MACROD2: variants seen among roughly 807,000 people sequenced by gnomAD.
MACROD2 encodes the protein ADP-ribose glycohydrolase MACROD2.
In MACROD2, 36 loss-of-function variants were observed where a neutral mutation model predicts 70.4. The ratio of observed to expected loss-of-function variants is 0.51; its 90% CI spans 0.39 to 0.68. The LOEUF is 0.68. Among genes scored for constraint, MACROD2 ranks in the 30% least tolerant of loss-of-function variants. The probability of loss-of-function intolerance (pLI) is 0.00; values close to 1 mark genes in which losing one functional copy is unlikely to be tolerated. For synonymous variants in MACROD2, 172 were observed against 178.8 expected, an observed-to-expected ratio of 0.96 and a Z score of 0.30; for missense variants, 496 against 538.4, an observed-to-expected ratio of 0.92 and a Z score of 0.78.
intron 9 of MACROD2, among the ~76,000 whole-genome samples, chr20:15,872,621 C>T (rs1465506604): frequency 2.0e-5 from 3 of 152,060 alleles, no homozygotes; most frequent in African/African-American, 7.2e-5. Flanking sequence ...GATATGTACA[C>T]CAAGCATCAT....
intron 15 of MACROD2, among the ~76,000 whole-genome samples, chr20:16,020,817 G>A (rs1180884921): frequency 6.6e-6 from 1 of 151,942 alleles, no homozygotes; most frequent in African/African-American, 2.4e-5. Context: ...TCAAAGCCTC[G>A]CTCGGCTCTG....
intron 9 of MACROD2, among the ~76,000 whole-genome samples, chr20:15,871,522 A>G (rs758616127): frequency 1.3e-5 from 2 of 152,222 alleles, no homozygotes; most frequent in Non-Finnish European, 2.9e-5. Context: ...GGCACATATC[A>G]TATAAAACAG....
intron 13 of MACROD2, among the ~76,000 whole-genome samples, chr20:15,977,134 C>T (rs752368924): frequency 6.6e-6 from 1 of 152,146 alleles, no homozygotes; most frequent in South Asian, 2.1e-4. Flanking sequence ...ATGATATAGA[C>T]GAAGCCAGAT....
Position 14,338,501 on chromosome 20 carries a change from G to C in MACROD2, c.272-154978G>C, listed in dbSNP as rs1228964873. 3.9e-5 allele frequency among the ~76,000 whole-genome samples: 6 copies of C among 152,104 alleles called. No homozygotes were observed. In the East Asian group the frequency reaches 1.2e-3, roughly 29 times the overall value. Reference sequence around the variant, plus strand: ...AGGCGAAGAAGTTACTGTTCTCTATGTTTTAGAAAATGAAAGTATGTTTTA... The same window carrying C: ...AGGCGAAGAAGTTACTGTTCTCTATCTTTTAGAAAATGAAAGTATGTTTTA... On this transcript the variant is annotated intron_variant, in intron 3 of 17. Transcript: ENST00000684519.
At chr20:14,593,221 T>A (rs1252089491) in intron 4 of MACROD2, among the ~76,000 whole-genome samples, 1 of 152,246 alleles carries the variant, frequency 6.6e-6, no homozygotes, top group East Asian at 1.9e-4. Flanking sequence ...AATAGTTTTC[T>A]TATTCGATTA....
intron 15 of MACROD2, among the ~76,000 whole-genome samples, chr20:15,994,432 GTTTTCATA>G (rs780291885): frequency 3.3e-5 from 5 of 152,184 alleles, no homozygotes; most frequent in Middle Eastern, 3.4e-3. Context: ...GATGTAGAAC[GTTTTCATA>G]TATCACTCTT....
rs539227932 is a variant in MACROD2, at chr20:14,849,638, G to A, written c.418+164679G>A. The stretch of plus-strand genomic sequence containing the variant: ...CTACTAAAAATACAAAAAATTAGCC[G>A]AGTGTGGTGGAGGGCGCCTGTAATC... On this transcript the variant is annotated intron_variant, in intron 5 of 17. Transcript: ENST00000684519. Among the ~76,000 whole-genome samples the A allele has an allele frequency of 9.1e-4, 138 of 152,200 alleles. 1 individual carries two copies. The highest frequency in any genetic ancestry group is 3.4e-3 in the Middle Eastern group (1 of 294).
At chr20:14,155,325 A>G (rs1299064940) in intron 3 of MACROD2, among the ~76,000 whole-genome samples, 1 of 152,216 alleles carries the variant, frequency 6.6e-6, no homozygotes, top group Non-Finnish European at 1.5e-5. Flanking sequence ...AAATCAGTTA[A>G]AAATTTCTTC....
rs560428551 is a variant in MACROD2 at position 14,745,420 on chromosome 20, G to T, written c.418+60461G>T. On this transcript the variant is annotated intron_variant, in intron 5 of 17. Coordinates refer to ENST00000684519, the MANE Select transcript of MACROD2 (RefSeq NM_001351661.2). ...ATGCTGCGGAATATCATGGCTGATGGGTGTCCTGCAGAGGCAGTGTTACAG... is the reference window on the plus strand; with the variant it reads ...ATGCTGCGGAATATCATGGCTGATGTGTGTCCTGCAGAGGCAGTGTTACAG... Among the ~76,000 whole-genome samples, 9 of 152,244 alleles carry T rather than the reference G, an allele frequency of 5.9e-5. No homozygotes were observed. The East Asian group carries it at 1.7e-3, about 29-fold the overall frequency.
intron 3 of MACROD2, among the ~76,000 whole-genome samples, chr20:14,134,079 C>T (rs962626322): frequency 6.6e-6 from 1 of 152,160 alleles, no homozygotes; most frequent in African/African-American, 2.4e-5. Context: ...TGTTTCATTC[C>T]CCTCCCTTTT....
In MACROD2 at chr20:15,726,799, G is replaced by C. The variant is rs114901045; in HGVS notation, c.646-135946G>C. Reference sequence around the variant, plus strand: ...TTATTTGTTTTTTGCTTGTTAATTTGTTTAAATTCCTTATACATTCTGGAT... The same window carrying C: ...TTATTTGTTTTTTGCTTGTTAATTTCTTTAAATTCCTTATACATTCTGGAT... On this transcript the variant is annotated intron_variant, in intron 8 of 17. Coordinates refer to ENST00000684519, the MANE Select transcript of MACROD2 (RefSeq NM_001351661.2). Among the ~76,000 whole-genome samples the C allele has an allele frequency of 2.5e-3, 374 of 152,056 alleles. 2 individuals carry two copies. The highest frequency in any genetic ancestry group is 8.5e-3 in the African/African-American group (352 of 41,524).
intron 8 of MACROD2, among the ~76,000 whole-genome samples, chr20:15,520,122 A>G (rs957019374): frequency 2.0e-5 from 3 of 152,266 alleles, no homozygotes; most frequent in Non-Finnish European, 4.4e-5. Context: ...ATGATTAATG[A>G]TGAAAATAGG....
intron 7 of MACROD2, among the ~76,000 whole-genome samples, chr20:15,441,960 A>G (rs899655806): frequency 6.6e-6 from 1 of 152,204 alleles, no homozygotes; most frequent in African/African-American, 2.4e-5. Context: ...TAGGAGCACT[A>G]TTAAGAAGCT....
At chr20:15,248,249 G>A (rs2077123989) in intron 6 of MACROD2, among the ~76,000 whole-genome samples, 1 of 152,128 alleles carries the variant, frequency 6.6e-6, no homozygotes, top group Admixed American at 6.5e-5. Flanking sequence ...TGACTTTCCT[G>A]GTGTGATCCT....
At chr20:14,460,471 G>A (rs566573015) in intron 3 of MACROD2, among the ~76,000 whole-genome samples, 2 of 152,092 alleles carry the variant, frequency 1.3e-5, no homozygotes, top group Non-Finnish European at 2.9e-5. Flanking sequence ...TTTCTCTAAT[G>A]AGCAGTGATG....
intron 8 of MACROD2, among the ~76,000 whole-genome samples, chr20:15,510,347 G>A (rs768563849): frequency 1.3e-5 from 2 of 152,108 alleles, no homozygotes; most frequent in Non-Finnish European, 2.9e-5. Flanking sequence ...TTCTAGGTAG[G>A]AAGGAAAAAG....
At chr20:15,507,247 C>T (rs1216238295) in intron 8 of MACROD2, among the ~76,000 whole-genome samples, 1 of 134,988 alleles carries the variant, frequency 7.4e-6, no homozygotes, top group African/African-American at 3.9e-5. Flanking sequence ...CCCTACCGTT[C>T]TCTTTCTCTC....
chr20:15,865,442 C>T (rs2064478840), intron 9 of MACROD2, among the ~76,000 whole-genome samples: 1 of 151,994 alleles, frequency 6.6e-6, no homozygotes, highest in African/African-American at 2.4e-5. Context: ...TTCTATTAGC[C>T]AGCCACAGCA....
chr20:14,074,338 G>A (rs2053889427), intron 2 of MACROD2, among the ~76,000 whole-genome samples: 1 of 152,260 alleles, frequency 6.6e-6, no homozygotes, highest in East Asian at 1.9e-4. Flanking sequence ...GGTAGGATTA[G>A]ATTTATTATT....
Sources: allele counts gnomAD v4.1 joint callset (sites outside exome capture counted in the v4.1 genomes callset), GRCh38; gene constraint gnomAD v4.1.1; transcripts MANE v1.5; gene names NCBI Gene and HGNC (gene_info 2026-07-23, HGNC 2026-07-21).